The following GHR variants were observed in gnomAD, a reference collection of about 807,000 sequenced individuals.
The protein encoded by GHR is GH receptor.
Under a neutral mutation model 67.1 loss-of-function variants are expected in GHR, and 35 were observed. That is an observed-to-expected ratio of 0.52 (90% CI 0.40 to 0.69). The LOEUF (loss-of-function observed/expected upper bound fraction) is 0.69, where lower values mean the gene tolerates loss of function less well. Ranked by LOEUF, GHR falls within the 30% of genes least tolerant of loss-of-function variation. The probability of loss-of-function intolerance (pLI) is 0.00; values close to 1 mark genes in which losing one functional copy is unlikely to be tolerated. For synonymous variants in GHR, 272 were observed against 269.1 expected (o/e 1.01, Z -0.10); for missense variants, 792 against 764.6 (o/e 1.04, Z -0.42).
At chr5:42,563,852 A>T (rs1385394607) in intron 1 of GHR, among the ~76,000 whole-genome samples, 1 of 152,144 alleles carries the variant, frequency 6.6e-6, no homozygotes. Flanking sequence ...AGTTACCAAC[A>T]GGATGGCATT....
chr5:42,644,189 T>A (rs895752819), intron 3 of GHR, among the ~76,000 whole-genome samples: 2 of 152,174 alleles, frequency 1.3e-5, no homozygotes, highest in Non-Finnish European at 2.9e-5. Context: ...TCTTACCACA[T>A]GATATTATAT....
intron 1 of GHR, among the ~76,000 whole-genome samples, chr5:42,460,287 C>A (rs1700612548): frequency 6.6e-6 from 1 of 152,170 alleles, no homozygotes; most frequent in Non-Finnish European, 1.5e-5. Context: ...TTTGTTGTGG[C>A]AGCCCAAGCC....
At chr5:42,501,063 C>G (rs1439670411) in intron 1 of GHR, among the ~76,000 whole-genome samples, 2 of 152,140 alleles carry the variant, frequency 1.3e-5, no homozygotes, top group African/African-American at 2.4e-5. Flanking sequence ...AAGACTGTCA[C>G]AGGTGTTTGC....
intron 1 of GHR, among the ~76,000 whole-genome samples, chr5:42,500,411 T>TCTGAGAGGA (rs1463339985): frequency 1.3e-5 from 2 of 152,382 alleles, no homozygotes; most frequent in East Asian, 3.9e-4. Context: ...CAGTATTTCT[T>TCTGAGAGGA]GGCCTCAGCC....
intron 1 of GHR, among the ~76,000 whole-genome samples, chr5:42,480,481 T>G (rs754064774): frequency 2.0e-5 from 3 of 152,196 alleles, no homozygotes; most frequent in Admixed American, 1.3e-4. Context: ...AATGTTGACA[T>G]TGGGGTGTTA....
intron 1 of GHR, among the ~76,000 whole-genome samples, chr5:42,509,200 C>G (rs1746906968): frequency 6.6e-6 from 1 of 152,174 alleles, no homozygotes; most frequent in Non-Finnish European, 1.5e-5. Context: ...CCTGCCTACA[C>G]CTGAGAGTTC....
At chr5:42,532,915 C>T (rs1004109948) in intron 1 of GHR, among the ~76,000 whole-genome samples, 1 of 151,678 alleles carries the variant, frequency 6.6e-6, no homozygotes. Flanking sequence ...TATACATTTC[C>T]CTCAGGGTGC....
intron 4 of GHR, among the ~76,000 whole-genome samples, chr5:42,693,482 C>T (rs988789077): frequency 2.6e-5 from 4 of 152,126 alleles, no homozygotes; most frequent in Admixed American, 6.6e-5. Context: ...CAGCAATTCA[C>T]TGTCTCAGAC....
intron 1 of GHR, among the ~76,000 whole-genome samples, chr5:42,564,830 A>G (rs1023369122): frequency 5.9e-5 from 9 of 152,198 alleles, no homozygotes; most frequent in Non-Finnish European, 1.0e-4. Flanking sequence ...AGCTCCTGGT[A>G]TGATGATAAG....
intron 5 of GHR, among the ~76,000 whole-genome samples, chr5:42,697,934 C>A (rs981284085): frequency 6.6e-6 from 1 of 151,986 alleles, no homozygotes; most frequent in Non-Finnish European, 1.5e-5. Context: ...GTGGTGCAGG[C>A]GGTGGGACAT....
At chr5:42,594,310 G>A (rs556207355) in intron 2 of GHR, among the ~76,000 whole-genome samples, 1 of 152,228 alleles carries the variant, frequency 6.6e-6, no homozygotes, top group East Asian at 1.9e-4. Flanking sequence ...ACACATACTT[G>A]TAGGTGACAT....
chr5:42,507,742 G>C (rs913734962), intron 1 of GHR, among the ~76,000 whole-genome samples: 1 of 152,204 alleles, frequency 6.6e-6, no homozygotes, highest in Non-Finnish European at 1.5e-5. Flanking sequence ...CTCTAGTCCT[G>C]AGAGGGCCGG....
intron 1 of GHR, chr5:42,548,236 A>G: frequency 1.0e-6 from 1 of 985,170 alleles, no homozygotes; most frequent in Non-Finnish European, 1.2e-6. Context: ...TGTGCATGAG[A>G]GAGAGAGATT....
chr5:42,466,115 T>C (rs1381124918), intron 1 of GHR: 1 of 329,816 alleles, frequency 3.0e-6, no homozygotes, highest in Non-Finnish European at 5.7e-6. Flanking sequence ...CAATGGGAAT[T>C]GGGAGCTTGA....
chr5:42,687,195 A>T (rs1757202107), intron 3 of GHR, among the ~76,000 whole-genome samples: 1 of 152,138 alleles, frequency 6.6e-6, no homozygotes, highest in Non-Finnish European at 1.5e-5. Flanking sequence ...AAATGGAAAA[A>T]CATCCTCATG....
At position 42,718,676 on chromosome 5, in the gene GHR, G is replaced by A. The variant is rs949031881; in HGVS notation, c.1169G>A (p.Cys390Tyr). 3.1e-6 allele frequency: 5 copies of A among 1,614,110 alleles called. No individual in the cohort carries two copies. In the African/African-American group the frequency reaches 5.3e-5, roughly 17 times the overall value. The change falls in exon 10 of 10, where the codon TGT becomes TAT. Residue 390 changes from cysteine to tyrosine, a missense_variant. By Grantham distance (194) the Cys-to-Tyr change is radical. Coordinates refer to ENST00000230882, the MANE Select transcript of GHR (RefSeq NM_000163.5). ...GGCGACTCTGGACGTACCAGCTGTT[G>A]TGAACCTGACATTCTGGAGACTGAT... ...KDGDSGRTSC[C>Y]EPDILETDFN...
intron 2 of GHR, among the ~76,000 whole-genome samples, chr5:42,566,187 A>G (rs1279220756): frequency 6.6e-6 from 1 of 152,194 alleles, no homozygotes; most frequent in Non-Finnish European, 1.5e-5. Flanking sequence ...TAATACTACA[A>G]ATCATGCTGA....
At chr5:42,458,867 A>C (rs1358635905) in intron 1 of GHR, among the ~76,000 whole-genome samples, 1 of 152,242 alleles carries the variant, frequency 6.6e-6, no homozygotes, top group African/African-American at 2.4e-5. Context: ...ACATGTGGCC[A>C]ACAAGCATAT....
At chr5:42,464,948 G>C (rs1744661535) in intron 1 of GHR, among the ~76,000 whole-genome samples, 1 of 152,034 alleles carries the variant, frequency 6.6e-6, no homozygotes, top group Non-Finnish European at 1.5e-5. Context: ...TTTATTTTGG[G>C]GCAAATCATG....
Sources: gnomAD v4.1 joint callset for allele counts (sites outside exome capture counted in the v4.1 genomes callset) on GRCh38, gnomAD v4.1.1 for gene constraint, MANE v1.5 for transcripts, NCBI Gene and HGNC (gene_info 2026-07-23, HGNC 2026-07-21) for gene names.